Variants in NANS observed in about 807,000 individuals in gnomAD.
NANS encodes N-acetylneuraminate synthase.
In NANS, 29 loss-of-function variants were observed where a neutral mutation model predicts 33.3. The observed-to-expected ratio is 0.87, with a 90% CI of 0.65 to 1.19. The LOEUF is 1.19. Among genes scored for constraint, NANS ranks in the 50% most tolerant of loss-of-function variants. NANS has a pLI of 0.00. For missense variants in NANS, 394 were observed against 461.1 expected, an observed-to-expected ratio of 0.85 and a Z score of 1.33; for synonymous variants, 163 against 177.2, an observed-to-expected ratio of 0.92 and a Z score of 0.64.
intron 2 of NANS, among the ~76,000 whole-genome samples, chr9:98,070,227 C>T (rs1829277504): frequency 1.3e-5 from 2 of 152,128 alleles, no homozygotes; most frequent in African/African-American, 4.8e-5. Flanking sequence ...AAGCAGTTCT[C>T]CTGCTTCAGC....
At chr9:98,072,306 T>TTCTGCC (rs1468680478) in intron 2 of NANS, among the ~76,000 whole-genome samples, 4 of 152,230 alleles carry the variant, frequency 2.6e-5, no homozygotes, top group Non-Finnish European at 5.9e-5. Context: ...TTTGGAGTTT[T>TTCTGCC]TCTGCCTCAG....
intron 2 of NANS, among the ~76,000 whole-genome samples, chr9:98,065,638 T>C (rs1421520338): frequency 1.3e-5 from 2 of 150,702 alleles, no homozygotes; most frequent in Admixed American, 1.3e-4. Flanking sequence ...TGCATCCAGC[T>C]GCTTTTTTTT....
intron 2 of NANS, among the ~76,000 whole-genome samples, chr9:98,068,772 G>A (rs1307946617): frequency 6.6e-6 from 1 of 151,228 alleles, no homozygotes; most frequent in South Asian, 2.1e-4. Flanking sequence ...GGTAAGCCAT[G>A]ATTGCACCAG....
In NANS at chr9:98,057,200, AG is replaced by A. The variant is rs766695742; in HGVS notation, c.132+261del. ...CTGGTGCCAGAATAATCTTTCTAAA[AG>A]TCAGACTTGATCAGACCATCCCCCC... On this transcript the variant is annotated intron_variant, in intron 1 of 5. Coordinates refer to ENST00000210444, the MANE Select transcript of NANS (RefSeq NM_018946.4). Among the ~76,000 whole-genome samples, 160 of 152,352 alleles carry A rather than the reference AG, an allele frequency of 1.1e-3. No homozygotes were observed. The Middle Eastern group carries it at 0.017, about 16-fold the overall frequency.
chr9:98,069,280 CT>C (rs1235961511), intron 2 of NANS: 20 of 144,524 alleles, frequency 1.4e-4, no homozygotes, highest in Non-Finnish European at 1.1e-4. Context: ...AACTATTTTT[CT>C]TTTTTTTTTT....
intron 1 of NANS, among the ~76,000 whole-genome samples, chr9:98,060,125 T>C (rs895246013): frequency 2.0e-5 from 3 of 152,216 alleles, no homozygotes; most frequent in Admixed American, 2.0e-4. Context: ...CAGTGCTGAG[T>C]TGACTATTCT....
At chr9:98,072,409 G>C (rs1829379509) in intron 2 of NANS, among the ~76,000 whole-genome samples, 1 of 151,060 alleles carries the variant, frequency 6.6e-6, no homozygotes. Flanking sequence ...GTGAGGGAAA[G>C]TGCATTTTTT....
At chr9:98,074,095 A>AT (rs1326645115) in intron 2 of NANS, among the ~76,000 whole-genome samples, 3 of 152,288 alleles carry the variant, frequency 2.0e-5, no homozygotes, top group East Asian at 1.9e-4. Flanking sequence ...CAGAATTAAT[A>AT]AAGTTCTGAG....
At chr9:98,078,932 C>T (rs762623430) in intron 4 of NANS, among the ~76,000 whole-genome samples, 17 of 151,768 alleles carry the variant, frequency 1.1e-4, no homozygotes, top group Non-Finnish European at 2.1e-4. Context: ...CACTAGCGTA[C>T]AGATAAATAT....
rs1312887960 is a variant in NANS at position 98,060,862 on chromosome 9, C to A, written c.213C>A (p.Tyr71Ter). ...ATCGGAAAGCCTTGGAGAGGCCATA[C>A]ACCTCGAAGCATTCCTGGGGGAAGA... ...KFNRKALERPYTSKHSWGKTY... is the reference protein window; with the variant it reads ...KFNRKALERP Residue 71 changes from tyrosine to a stop codon, truncating the protein, a stop_gained, in exon 2 of 6, where the codon TAC becomes TAA. Transcript: ENST00000210444. LOFTEE classifies it high-confidence loss of function. The A allele has an allele frequency of 6.2e-7, 1 of 1,614,192 alleles. No homozygotes were observed. The highest frequency in any genetic ancestry group is 8.5e-7 in the Non-Finnish European group (1 of 1,180,040).
At chr9:98,065,283 TTTAAAGTG>T (rs1368472638) in intron 2 of NANS, among the ~76,000 whole-genome samples, 1 of 151,274 alleles carries the variant, frequency 6.6e-6, no homozygotes, top group Non-Finnish European at 1.5e-5. Flanking sequence ...ATATTATTCT[TTTAAAGTG>T]TTAGTCACTC....
At chr9:98,069,281 T>TC (rs1829241147) in intron 2 of NANS, 1 of 141,666 alleles carries the variant, frequency 7.1e-6, no homozygotes, top group East Asian at 2.3e-4. Flanking sequence ...ACTATTTTTC[T>TC]TTTTTTTTTT....
chr9:98,073,966 T>C (rs1829468474), intron 2 of NANS, among the ~76,000 whole-genome samples: 1 of 151,892 alleles, frequency 6.6e-6, no homozygotes, highest in East Asian at 1.9e-4. Flanking sequence ...TTATATGTTT[T>C]GTAGAAACGG....
At chr9:98,061,405 A>C in intron 2 of NANS, 1 of 164,122 alleles carries the variant, frequency 6.1e-6, no homozygotes, top group Non-Finnish European at 1.3e-5. Flanking sequence ...TGAACCTGGG[A>C]GGTGGAGGTT....
intron 2 of NANS, among the ~76,000 whole-genome samples, chr9:98,066,178 A>G (rs531442630): frequency 2.0e-5 from 3 of 152,322 alleles, no homozygotes; most frequent in Admixed American, 6.5e-5. Flanking sequence ...CATTGCAGTG[A>G]CAATTAAAAA....
At chr9:98,058,258 C>G (rs1404107209) in intron 1 of NANS, among the ~76,000 whole-genome samples, 4 of 152,142 alleles carry the variant, frequency 2.6e-5, no homozygotes, top group Non-Finnish European at 4.4e-5. Context: ...AACCTAATCA[C>G]TGAATCATAA....
In NANS at chr9:98,060,831, A is replaced by C; in HGVS notation, c.182A>C (p.Lys61Thr). The C allele has an allele frequency of 6.2e-7, 1 of 1,614,208 alleles. No homozygotes were observed. The highest frequency in any genetic ancestry group is 8.5e-7 in the Non-Finnish European group (1 of 1,180,048). The change falls in exon 2 of 6, where the codon AAG (lysine) becomes ACG (threonine). Residue 61 changes from lysine to threonine, a missense_variant. By Grantham distance (78) the Lys-to-Thr change is moderately conservative (BLOSUM62 -1). Transcript: ENST00000210444. ...AKFQKSELEFKFNRKALERPY... is the reference protein window; with the variant it reads ...AKFQKSELEFTFNRKALERPY... ...TTCCAGAAGAGTGAGCTAGAATTCAAGTTTAATCGGAAAGCCTTGGAGAGG... is the reference window on the plus strand; with the variant it reads ...TTCCAGAAGAGTGAGCTAGAATTCACGTTTAATCGGAAAGCCTTGGAGAGG...
intron 2 of NANS, among the ~76,000 whole-genome samples, chr9:98,068,118 A>T (rs1356179642): frequency 6.6e-6 from 1 of 151,760 alleles, no homozygotes; most frequent in African/African-American, 2.4e-5. Context: ...TTATCTATTT[A>T]TATGTTTAAA....
chr9:98,072,775 G>A (rs968960806), intron 2 of NANS, among the ~76,000 whole-genome samples: 1 of 152,140 alleles, frequency 6.6e-6, no homozygotes, highest in Admixed American at 6.5e-5. Context: ...AACTGTTGGA[G>A]GTAGATTGGT....
Sources: gnomAD v4.1 joint callset for allele counts (sites outside exome capture counted in the v4.1 genomes callset) on GRCh38, gnomAD v4.1.1 for gene constraint, MANE v1.5 for transcripts, NCBI Gene and HGNC (gene_info 2026-07-23, HGNC 2026-07-21) for gene names.